The following GJB7 variants were observed in gnomAD, a reference collection of about 807,000 sequenced individuals.
GJB7 encodes gap junction protein beta 7, also known as gap junction beta-7 protein.
For synonymous variants in GJB7, 87 were observed against 95.2 expected (o/e 0.91, Z 0.50); for missense variants, 253 against 256.8 (o/e 0.99, Z 0.10).
chr6:87,304,823 A>C (rs909076592), intron 2 of GJB7, among the ~76,000 whole-genome samples: 1 of 152,144 alleles, frequency 6.6e-6, no homozygotes, highest in African/African-American at 2.4e-5. Flanking sequence ...AAAGCTTATC[A>C]ACGATGATCA....
chr6:87,294,828 T>C (rs1466933016), intron 2 of GJB7, among the ~76,000 whole-genome samples: 3 of 152,198 alleles, frequency 2.0e-5, no homozygotes, highest in Admixed American at 1.3e-4. Context: ...CATTTCTAAT[T>C]CCAGGTTTGT....
intron 2 of GJB7, among the ~76,000 whole-genome samples, chr6:87,285,892 T>C (rs1196364059): frequency 6.6e-6 from 1 of 152,246 alleles, no homozygotes; most frequent in East Asian, 1.9e-4. Context: ...AAGTTAGCAC[T>C]GTCATGCAAC....
chr6:87,328,715 G>A (rs1776906872), intron 1 of GJB7, among the ~76,000 whole-genome samples: 1 of 152,156 alleles, frequency 6.6e-6, no homozygotes, highest in Non-Finnish European at 1.5e-5. Flanking sequence ...GTTTGTCTGT[G>A]CCCTGCCCCC....
chr6:87,328,506 C>T (rs1289282055), intron 1 of GJB7, among the ~76,000 whole-genome samples: 7 of 151,722 alleles, frequency 4.6e-5, no homozygotes, highest in East Asian at 3.9e-4. Context: ...TTGGAGTACC[C>T]GGCCGTGTGA....
At position 87,284,475 on chromosome 6, in the gene GJB7, A is replaced by G. The variant is rs758564743; in HGVS notation, c.438T>C (p.Tyr146=). The change falls in exon 3 of 3, where the codon TAT becomes TAC. Residue 146 remains tyrosine (Y), a synonymous_variant. Transcript: ENST00000525899. ...TAAGGTAGGGAACACTAAAGCCATC[A>G]TATAGCTTATAAAATAAAACAAGGA... The part of the protein sequence containing the change: ...IGFLVLFYKL[Y]DGFSVPYLIK... 1.9e-6 allele frequency: 3 copies of G among 1,613,950 alleles called. No homozygotes were observed. Among genetic ancestry groups the G allele is most frequent in the East Asian group, 2.2e-5 (1 of 44,874 alleles).
rs185386645 is a variant in GJB7, at chr6:87,302,107, A to G, written c.-27-17168T>C. Among the ~76,000 whole-genome samples the G allele has an allele frequency of 5.9e-5, 9 of 152,346 alleles. No individual in the cohort carries two copies. In the East Asian group the frequency reaches 1.7e-3, roughly 29 times the overall value. ...AACAGAGCAGAAAAGAGAAAATTCTAAAAATCAGAGCACCTCTCCCCCTCC... is the reference window on the plus strand; with the variant it reads ...AACAGAGCAGAAAAGAGAAAATTCTGAAAATCAGAGCACCTCTCCCCCTCC... On this transcript the variant is annotated intron_variant, in intron 2 of 2. Transcript: ENST00000525899.
At chr6:87,296,213 G>T (rs1358120971) in intron 2 of GJB7, among the ~76,000 whole-genome samples, 1 of 152,170 alleles carries the variant, frequency 6.6e-6, no homozygotes, top group African/African-American at 2.4e-5. Context: ...GAAAAACTGT[G>T]TGTGCACAGG....
chr6:87,326,087 G>A (rs934571891), intron 1 of GJB7, among the ~76,000 whole-genome samples: 1 of 152,176 alleles, frequency 6.6e-6, no homozygotes, highest in South Asian at 2.1e-4. Flanking sequence ...ATGGTAGTTT[G>A]TATTTCTGTG....
At chr6:87,317,239 C>G (rs1442464646) in intron 2 of GJB7, among the ~76,000 whole-genome samples, 2 of 151,378 alleles carry the variant, frequency 1.3e-5, no homozygotes, top group Non-Finnish European at 2.9e-5. Flanking sequence ...TGGCACACGC[C>G]TATAACTCCA....
chr6:87,319,538 T>C (rs921266543), intron 2 of GJB7, among the ~76,000 whole-genome samples: 1 of 152,242 alleles, frequency 6.6e-6, no homozygotes, highest in Non-Finnish European at 1.5e-5. Context: ...TGCAACATAA[T>C]AATATTTTAT....
chr6:87,316,380 CAA>C (rs1776584931), intron 2 of GJB7, among the ~76,000 whole-genome samples: 1 of 152,050 alleles, frequency 6.6e-6, no homozygotes, highest in Non-Finnish European at 1.5e-5. Context: ...AGTTCTTCTC[CAA>C]AAGTCAGCTC....
rs190842065 is a variant in GJB7 at position 87,286,626 on chromosome 6, T to C, written c.-27-1687A>G. Among the ~76,000 whole-genome samples the C allele has an allele frequency of 5.3e-5, 8 of 152,350 alleles. No individual in the cohort carries two copies. In the East Asian group the frequency reaches 7.7e-4, roughly 15 times the overall value. ...TTTTTCATTTCGGTGACATTTTCTT[T>C]CTGGCACTGACTGCTTCCATCTTAT... is the stretch of plus-strand genomic sequence containing the variant. On this transcript the variant is annotated intron_variant, in intron 2 of 2. Coordinates refer to ENST00000525899, the MANE Select transcript of GJB7 (RefSeq NM_198568.3).
chr6:87,294,349 G>T lies in GJB7; in HGVS notation c.-27-9410C>A, dbSNP rs189992068. ...GAATGACTGGTGTGTCCCCCTCAAT[G>T]AACCACACAAGGGTGGAGGCTGCAG... On this transcript the variant is annotated intron_variant, in intron 2 of 2. Coordinates refer to ENST00000525899, the MANE Select transcript of GJB7 (RefSeq NM_198568.3). Among the ~76,000 whole-genome samples the T allele has an allele frequency of 7.9e-5, 12 of 152,324 alleles. No individual in the cohort carries two copies. In the South Asian group the frequency reaches 1.5e-3, roughly 18 times the overall value.
intron 1 of GJB7, among the ~76,000 whole-genome samples, chr6:87,326,139 T>C (rs1240175814): frequency 1.3e-5 from 2 of 152,210 alleles, no homozygotes; most frequent in African/African-American, 2.4e-5. Flanking sequence ...TTATTGCGTC[T>C]ATTTGATTCT....
chr6:87,307,881 T>C (rs1250471093), intron 2 of GJB7, among the ~76,000 whole-genome samples: 6 of 152,176 alleles, frequency 3.9e-5, no homozygotes, highest in Non-Finnish European at 7.4e-5. Context: ...ACTGGGTATA[T>C]ACCCAAAGGA....
rs563334803 is a variant in GJB7, at chr6:87,325,735, GT to G, written c.-205-2693del. Among the ~76,000 whole-genome samples the G allele has an allele frequency of 4.7e-3, 715 of 152,130 alleles. 5 individuals carry two copies. The highest frequency in any genetic ancestry group is 0.016 in the African/African-American group (668 of 41,502). On this transcript the variant is annotated intron_variant, in intron 1 of 2. Transcript: ENST00000525899. ...TATTGGTCTAAAATTCTCTTTTTTG[GT>G]TGTGTCTCTGCCCGGCTTTCATATC...
intron 2 of GJB7, chr6:87,300,133 GA>G: frequency 3.7e-6 from 1 of 269,070 alleles, no homozygotes; most frequent in Non-Finnish European, 7.4e-6. Flanking sequence ...AGCTAATGAA[GA>G]TTTAAAAATT....
rs113173161 is a variant in GJB7 at position 87,284,813 on chromosome 6, G to C, written c.100C>G (p.Leu34Val). The change falls in exon 3 of 3, where the codon CTG (leucine) becomes GTG (valine). Residue 34 changes from leucine to valine, a missense_variant. By Grantham distance (32) the Leu-to-Val change is conservative. Coordinates refer to ENST00000525899, the MANE Select transcript of GJB7 (RefSeq NM_198568.3). ...WLAVVFVFRL[L>V]VYMVAAEHVW... ...TGCTCTGCTGCCACCATGTAGACCA[G>C]CAAACGGAAGACAAACACGACAGCC... 1 of 1,614,074 alleles carries C rather than the reference G, an allele frequency of 6.2e-7. No homozygotes were observed. The highest frequency in any genetic ancestry group is 8.5e-7 in the Non-Finnish European group (1 of 1,180,018).
intron 1 of GJB7, among the ~76,000 whole-genome samples, chr6:87,327,026 C>T (rs2127917141): frequency 7.2e-6 from 1 of 139,064 alleles, no homozygotes; most frequent in East Asian, 2.0e-4. Flanking sequence ...ATGTAATGGC[C>T]TTCTTTGTGT....
Sources: gnomAD v4.1 joint callset for allele counts (sites outside exome capture counted in the v4.1 genomes callset) on GRCh38, gnomAD v4.1.1 for gene constraint, MANE v1.5 for transcripts, NCBI Gene and HGNC (gene_info 2026-07-23, HGNC 2026-07-21) for gene names.